Variants in KCNU1 observed in about 807,000 individuals in gnomAD.
KCNU1 encodes the protein potassium calcium-activated channel subfamily U member 1.
In KCNU1, 93 loss-of-function variants were observed where a neutral mutation model predicts 126.8. That is an observed-to-expected ratio of 0.73 (90% CI 0.62 to 0.87). KCNU1 has a LOEUF of 0.87. Among genes scored for constraint, KCNU1 ranks in the 40% least tolerant of loss-of-function variants. The pLI is 0.00. For synonymous variants in KCNU1, 523 were observed against 494.2 expected (o/e 1.06, Z -0.77); for missense variants, 1,330 against 1,367.1 (o/e 0.97, Z 0.43).
chr8:36,917,714 T>C (rs1329084863), intron 22 of KCNU1, among the ~76,000 whole-genome samples: 2 of 152,168 alleles, frequency 1.3e-5, no homozygotes, highest in East Asian at 1.9e-4. Context: ...AAACCTCTGA[T>C]GTCATACTTC....
chr8:36,865,221 G>A (rs374062825), intron 19 of KCNU1, among the ~76,000 whole-genome samples: 98 of 152,120 alleles, frequency 6.4e-4, no homozygotes, highest in African/African-American at 2.1e-3. Flanking sequence ...TATTTTGTAC[G>A]TTTTTAATAG....
At position 36,910,917 on chromosome 8, in the gene KCNU1, T is replaced by C; in HGVS notation, c.2332-13T>C. ...ATCCGACCAGTGCCTCCTCTCTCTTTTCCTCTCATTAGGGATGTGCACTTT... is the reference window on the plus strand; with the variant it reads ...ATCCGACCAGTGCCTCCTCTCTCTTCTCCTCTCATTAGGGATGTGCACTTT... On this transcript the variant is annotated splice_polypyrimidine_tract_variant and intron_variant, in intron 21 of 26. Coordinates refer to ENST00000399881, the MANE Select transcript of KCNU1 (RefSeq NM_001031836.3). 1 of 1,557,888 alleles carries C rather than the reference T, an allele frequency of 6.4e-7. No individual in the cohort carries two copies. Among genetic ancestry groups the C allele is most frequent in the Non-Finnish European group, 8.8e-7 (1 of 1,138,552 alleles).
chr8:36,845,462 G>A (rs1805107852), intron 16 of KCNU1, 118 bp from the exon 17 acceptor site: 2 of 632,760 alleles, frequency 3.2e-6, no homozygotes, highest in Non-Finnish European at 2.8e-6. Flanking sequence ...GTAAGAGGAG[G>A]TTGAATACGA....
rs182824318 is a variant in KCNU1, at chr8:36,846,877, A to T, written c.1891+978A>T. 4.1e-3 allele frequency among the ~76,000 whole-genome samples: 628 copies of T among 152,040 alleles called. 2 individuals carry two copies. Among genetic ancestry groups the T allele is most frequent in the African/African-American group, 0.015 (609 of 41,474 alleles). On this transcript the variant is annotated intron_variant, in intron 18 of 26. Coordinates refer to ENST00000399881, the MANE Select transcript of KCNU1 (RefSeq NM_001031836.3). Reference sequence around the variant, plus strand: ...GTGTTTCAGAATTTAACCTTAGTCAATTCAAAATATGAATTTTCTATCAGG... The same window carrying T: ...GTGTTTCAGAATTTAACCTTAGTCATTTCAAAATATGAATTTTCTATCAGG...
chr8:36,831,255 G>A (rs1020052117), intron 10 of KCNU1, among the ~76,000 whole-genome samples: 1 of 151,950 alleles, frequency 6.6e-6, no homozygotes, highest in Non-Finnish European at 1.5e-5. Context: ...ATGATTTATA[G>A]TCCTTTGGGT....
chr8:36,918,677 G>A (rs965555561), intron 22 of KCNU1, 146 bp from the exon 23 acceptor site: 2 of 624,574 alleles, frequency 3.2e-6, no homozygotes, highest in African/African-American at 3.7e-5. Context: ...ACAATTTTTT[G>A]TCTAAACATA....
chr8:36,822,453 C>T (rs1384436619), intron 10 of KCNU1, among the ~76,000 whole-genome samples: 1 of 151,712 alleles, frequency 6.6e-6, no homozygotes. Flanking sequence ...CCAGCTGAGC[C>T]CAGTCAAAAC....
intron 9 of KCNU1, among the ~76,000 whole-genome samples, 180 bp from the exon 10 acceptor site, chr8:36,817,470 G>T (rs1803956958): frequency 1.6e-5 from 2 of 124,802 alleles, no homozygotes; most frequent in South Asian, 5.0e-4. Flanking sequence ...TTGCACTCCA[G>T]CCTGGGCAGC....
At chr8:36,856,882 GT>G (rs1805546008) in intron 18 of KCNU1, among the ~76,000 whole-genome samples, 1 of 152,178 alleles carries the variant, frequency 6.6e-6, no homozygotes, top group Non-Finnish European at 1.5e-5. Context: ...TTCTCATGGA[GT>G]TACTAGCCTC....
intron 19 of KCNU1, among the ~76,000 whole-genome samples, chr8:36,869,598 G>A (rs1364988960): frequency 6.6e-6 from 1 of 152,028 alleles, no homozygotes; most frequent in Non-Finnish European, 1.5e-5. Context: ...ATGAGCAATA[G>A]CACCTATGGC....
chr8:36,832,551 A>G (rs143339521), intron 10 of KCNU1, among the ~76,000 whole-genome samples: 2 of 151,956 alleles, frequency 1.3e-5, no homozygotes, highest in African/African-American at 2.4e-5. Flanking sequence ...TTATTTTTTA[A>G]TCTCTACTTT....
At chr8:36,800,756 C>A (rs925882986) in intron 2 of KCNU1, among the ~76,000 whole-genome samples, 1 of 152,226 alleles carries the variant, frequency 6.6e-6, no homozygotes, top group African/African-American at 2.4e-5. Context: ...TCAGTCAGAG[C>A]CCTGGCATCA....
intron 19 of KCNU1, among the ~76,000 whole-genome samples, chr8:36,890,006 T>C (rs181154908): frequency 1.3e-5 from 2 of 152,160 alleles, no homozygotes; most frequent in Admixed American, 1.3e-4. Context: ...AAAATCCTAT[T>C]TGCAGTAAAA....
At chr8:36,841,881 T>C (rs901716692) in intron 16 of KCNU1, among the ~76,000 whole-genome samples, 16 of 149,060 alleles carry the variant, frequency 1.1e-4, no homozygotes, top group African/African-American at 4.0e-4. Flanking sequence ...TAATGCAAAA[T>C]AAAATTCAGA....
chr8:36,871,325 A>T (rs905524789), intron 19 of KCNU1, among the ~76,000 whole-genome samples: 2 of 151,852 alleles, frequency 1.3e-5, no homozygotes, highest in African/African-American at 4.8e-5. Flanking sequence ...TCTAGTTCTT[A>T]TTTTGTATTC....
chr8:36,884,382 A>G (rs1235333433), intron 19 of KCNU1, among the ~76,000 whole-genome samples: 2 of 152,232 alleles, frequency 1.3e-5, no homozygotes, highest in African/African-American at 4.8e-5. Flanking sequence ...GTATTTAATT[A>G]CTGAAAGGGG....
At chr8:36,880,172 T>G (rs1190506961) in intron 19 of KCNU1, among the ~76,000 whole-genome samples, 1 of 152,238 alleles carries the variant, frequency 6.6e-6, no homozygotes, top group Admixed American at 6.5e-5. Flanking sequence ...TGACTTGTTT[T>G]ATTAGCTTCT....
At chr8:36,801,366 G>C (rs1445150143) in intron 2 of KCNU1, among the ~76,000 whole-genome samples, 1 of 151,810 alleles carries the variant, frequency 6.6e-6, no homozygotes, top group Non-Finnish European at 1.5e-5. Flanking sequence ...ACATTTTGCT[G>C]TTGGTTTCCT....
At chr8:36,900,503 G>C (rs1002378041) in intron 19 of KCNU1, among the ~76,000 whole-genome samples, 2 of 152,004 alleles carry the variant, frequency 1.3e-5, no homozygotes, top group African/African-American at 2.4e-5. Context: ...GGTGTGGGAG[G>C]GGGTATGTGA....
Sources: allele counts gnomAD v4.1 joint callset (sites outside exome capture counted in the v4.1 genomes callset), GRCh38; gene constraint gnomAD v4.1.1; transcripts MANE v1.5; gene names NCBI Gene and HGNC (gene_info 2026-07-23, HGNC 2026-07-21).